The following ATRN variants were observed in gnomAD, a reference collection of about 807,000 sequenced individuals.
ATRN encodes the protein attractin-2.
Under a neutral mutation model 178.7 loss-of-function variants are expected in ATRN, and 54 were observed. The observed-to-expected ratio is 0.30, with a 90% CI of 0.24 to 0.38. The LOEUF (loss-of-function observed/expected upper bound fraction) is 0.38. ATRN is among the 10% of genes least tolerant of loss of function. The pLI, the probability that ATRN is intolerant of heterozygous loss-of-function variation, is 1.00. For synonymous variants in ATRN, 636 were observed against 663.0 expected (o/e 0.96, Z 0.63); for missense variants, 1,443 against 1,815.1 (o/e 0.79, Z 3.73).
chr20:3,499,750 T>A (rs1365779818), intron 1 of ATRN, among the ~76,000 whole-genome samples: 2 of 150,706 alleles, frequency 1.3e-5, no homozygotes, highest in African/African-American at 2.5e-5. Context: ...AACCTAGGCA[T>A]TACCATTCAG....
intron 18 of ATRN, among the ~76,000 whole-genome samples, chr20:3,588,139 C>T (rs1235824221): frequency 1.3e-5 from 2 of 152,192 alleles, no homozygotes; most frequent in African/African-American, 2.4e-5. Flanking sequence ...TGAGCCACCA[C>T]GCCTGGCCCT....
intron 18 of ATRN, among the ~76,000 whole-genome samples, chr20:3,587,827 C>CTGTTTGTTTGTT (rs200507855): frequency 1.4e-4 from 21 of 151,058 alleles, no homozygotes; most frequent in African/African-American, 4.2e-4. Context: ...GGTGTATTGC[C>CTGTTTGTTTGTT]TGTTTGTTTG....
In ATRN at chr20:3,482,970, TTA is replaced by T. The variant is rs376555395; in HGVS notation, c.410+11455_410+11456del. Among the ~76,000 whole-genome samples the T allele has an allele frequency of 4.3e-3, 659 of 152,304 alleles. 2 individuals are homozygous for T. Among genetic ancestry groups the T allele is most frequent in the Middle Eastern group, 0.01 (3 of 294 alleles). Reference sequence around the variant, plus strand: ...TTTCTGAATTTTCTTCATATTAATGTTATTCTAAAAAGTAAAATGTTACAGAT... The same window carrying T: ...TTTCTGAATTTTCTTCATATTAATGTTTCTAAAAAGTAAAATGTTACAGAT... On this transcript the variant is annotated intron_variant, in intron 1 of 28. Transcript: ENST00000262919.
intron 4 of ATRN, 27 bp downstream of exon 4, chr20:3,545,917 G>A: frequency 1.2e-6 from 2 of 1,607,292 alleles, no homozygotes; most frequent in Non-Finnish European, 1.7e-6. Context: ...TAGTATTTGT[G>A]ATTTCATTCA....
At chr20:3,489,850 G>T in intron 1 of ATRN, 1 of 1,258,138 alleles carries the variant, frequency 7.9e-7, no homozygotes, top group Non-Finnish European at 1.2e-6. Context: ...AGCTTATATA[G>T]CCAGTAGGGA....
intron 19 of ATRN, among the ~76,000 whole-genome samples, 171 bp from the exon 20 acceptor site, chr20:3,594,308 A>G (rs567459359): frequency 2.0e-5 from 3 of 152,354 alleles, no homozygotes; most frequent in Non-Finnish European, 2.9e-5. Context: ...TTACCTATAC[A>G]TTATTATCAT....
intron 6 of ATRN, among the ~76,000 whole-genome samples, chr20:3,556,439 C>T (rs140838797): frequency 6.6e-6 from 1 of 152,296 alleles, no homozygotes; most frequent in East Asian, 1.9e-4. Context: ...CATGTCTAGT[C>T]TCCACAGAGC....
At chr20:3,486,224 G>T (rs1321920750) in intron 1 of ATRN, among the ~76,000 whole-genome samples, 1 of 151,788 alleles carries the variant, frequency 6.6e-6, no homozygotes, top group African/African-American at 2.4e-5. Flanking sequence ...CAAGTGTGAC[G>T]TGTCTGTCAC....
intron 24 of ATRN, among the ~76,000 whole-genome samples, chr20:3,623,991 A>G (rs1226048100): frequency 6.6e-6 from 1 of 152,210 alleles, no homozygotes; most frequent in Non-Finnish European, 1.5e-5. Context: ...AAAATTATTT[A>G]AGTTCTGATG....
At chr20:3,514,912 C>T (rs1328370226) in intron 1 of ATRN, among the ~76,000 whole-genome samples, 2 of 152,060 alleles carry the variant, frequency 1.3e-5, no homozygotes, top group Non-Finnish European at 1.5e-5. Context: ...AGCCATGATC[C>T]CACCACTGCA....
intron 1 of ATRN, among the ~76,000 whole-genome samples, chr20:3,494,781 G>T (rs1429121957): frequency 6.6e-6 from 1 of 152,174 alleles, no homozygotes; most frequent in Non-Finnish European, 1.5e-5. Flanking sequence ...AGAGATGGTA[G>T]ATGAAGCCAC....
At chr20:3,639,020 C>A in intron 27 of ATRN, 85 bp downstream of exon 27, 1 of 1,006,042 alleles carries the variant, frequency 9.9e-7, no homozygotes, top group East Asian at 2.6e-5. Context: ...GAGCAAAAGC[C>A]CTATTCCATT....
intron 12 of ATRN, among the ~76,000 whole-genome samples, chr20:3,573,983 C>G (rs1417410803): frequency 6.6e-6 from 1 of 152,054 alleles, no homozygotes; most frequent in Non-Finnish European, 1.5e-5. Flanking sequence ...AGTGATCTGC[C>G]CGCCTCAGCC....
At position 3,648,313 on chromosome 20, in the gene ATRN, A is replaced by G. The variant is rs2087122271; in HGVS notation, c.*1466A>G. ...GCCAAATGGAAAATGACCAAATTTA[A>G]GAGGGTGGGACAGTCCCCTGCTCCT... On this transcript the variant is annotated 3_prime_UTR_variant, in exon 29 of 29. Transcript: ENST00000262919. 6.6e-6 allele frequency: 1 copy of G among 152,626 alleles called. No homozygotes were observed. The highest frequency in any genetic ancestry group is 1.5e-5 in the Non-Finnish European group (1 of 68,056). The allele number at this position is 152,626 out of a possible 1,614,324, so 9.5% of individuals were successfully genotyped here.
chr20:3,585,723 C>A (rs1438505377), intron 18 of ATRN, among the ~76,000 whole-genome samples: 2 of 152,090 alleles, frequency 1.3e-5, no homozygotes, highest in Non-Finnish European at 2.9e-5. Flanking sequence ...ATGTCCAGAA[C>A]ACGTAACTCT....
rs146119245 is a variant in ATRN at position 3,489,415 on chromosome 20, G to A, written c.410+17898G>A. 141 of 685,442 alleles carry A rather than the reference G, an allele frequency of 2.1e-4. No individual in the cohort carries two copies. In the East Asian group the frequency reaches 3.7e-3, roughly 18 times the overall value. 42.5% of individuals were successfully genotyped at this position (685,442 alleles called of 1,614,324 possible). A position where few individuals can be genotyped will look rare whatever the true frequency, so the allele number is the denominator to read the frequency against. On this transcript the variant is annotated intron_variant, in intron 1 of 28. Transcript: ENST00000262919. ...CCTTGTTTCTACAGGATGCATGCTA[G>A]ACCATGAGACTACGTAGCAAAGGGT...
Position 3,572,788 on chromosome 20 carries a change from C to T in ATRN, c.1929C>T (p.Phe643=). 1 of 1,613,996 alleles carries T rather than the reference C, an allele frequency of 6.2e-7. No homozygotes were observed. Among genetic ancestry groups the T allele is most frequent in the Non-Finnish European group, 8.5e-7 (1 of 1,180,034 alleles). ...TCCTCCTCAGCGACATCCTGGTATT[C>T]ACCTCGGAACAGTGTGATGCGCATC... ...NSLLLSDILV[F]TSEQCDAHRS... is the part of the protein sequence containing the mutation. Residue 643 remains phenylalanine (F), a synonymous_variant, in exon 12 of 29, where the codon TTC becomes TTT. Transcript: ENST00000262919.
intron 1 of ATRN, among the ~76,000 whole-genome samples, chr20:3,479,440 G>A (rs976860586): frequency 2.0e-5 from 3 of 152,130 alleles, no homozygotes; most frequent in Non-Finnish European, 4.4e-5. Flanking sequence ...ACTCTTTTGG[G>A]GGTTCTGGTG....
intron 3 of ATRN, among the ~76,000 whole-genome samples, chr20:3,541,428 T>A (rs977529604): frequency 7.3e-5 from 11 of 150,490 alleles, no homozygotes; most frequent in Non-Finnish European, 1.6e-4. Flanking sequence ...GAATAGGTTT[T>A]GAGAAATGTG....
Sources: allele counts gnomAD v4.1 joint callset (sites outside exome capture counted in the v4.1 genomes callset), GRCh38; gene constraint gnomAD v4.1.1; transcripts MANE v1.5; gene names NCBI Gene and HGNC (gene_info 2026-07-23, HGNC 2026-07-21).